The following SPTA1 variants were observed in gnomAD, a reference collection of about 807,000 sequenced individuals.
SPTA1 encodes the protein spectrin alpha chain, erythrocytic 1.
In SPTA1, 177 loss-of-function variants were observed where a neutral mutation model predicts 324.7. The ratio of observed to expected loss-of-function variants is 0.55; its 90% CI spans 0.48 to 0.62. SPTA1 has a LOEUF of 0.62. Ranked by LOEUF, SPTA1 falls within the 20% of genes least tolerant of loss-of-function variation. The pLI is 0.00. For synonymous variants in SPTA1, 1,195 were observed against 1,041.3 expected (o/e 1.15, Z -2.84); for missense variants, 3,162 against 2,883.6 (o/e 1.10, Z -2.21).
chr1:158,678,088 C>T (rs1457864096), intron 6 of SPTA1, among the ~76,000 whole-genome samples: 2 of 152,154 alleles, frequency 1.3e-5, no homozygotes, highest in Non-Finnish European at 2.9e-5. Context: ...CTTACGAATG[C>T]TTTTCTTCTT....
rs546901192 is a variant in SPTA1, at chr1:158,669,182, A to G, written c.1833+226T>C. 5.3e-5 allele frequency among the ~76,000 whole-genome samples: 8 copies of G among 152,306 alleles called. No individual in the cohort carries two copies. In the South Asian group the frequency reaches 1.7e-3, roughly 32 times the overall value. Reference sequence around the variant, plus strand: ...GAATCACCAGAAATTGTGCCAGAGGAAAGAGGTGAAGAACATCAGAATATA... The same window carrying G: ...GAATCACCAGAAATTGTGCCAGAGGGAAGAGGTGAAGAACATCAGAATATA... On this transcript the variant is annotated intron_variant, in intron 14 of 51. Transcript: ENST00000643759.
intron 18 of SPTA1, among the ~76,000 whole-genome samples, chr1:158,660,799 GC>G (rs1261468747): frequency 6.6e-6 from 1 of 152,158 alleles, no homozygotes; most frequent in African/African-American, 2.4e-5. Context: ...TCATACTTAA[GC>G]ATCAGGAATT....
chr1:158,667,918 T>C lies in SPTA1; in HGVS notation c.1978A>G (p.Thr660Ala), dbSNP rs755673276. Reference sequence around the variant, plus strand: ...AGGCTGGCAACTTCACTCAGACGAGTGGTCACATTGTCAGAGGCATAGTGA... The same window carrying C: ...AGGCTGGCAACTTCACTCAGACGAGCGGTCACATTGTCAGAGGCATAGTGA... ...GGHYASDNVT[T>A]RLSEVASLWE... Residue 660 changes from threonine (T) to alanine (A), a missense_variant, in exon 15 of 52, where the codon ACT becomes GCT. Transcript: ENST00000643759. 4 of 1,613,900 alleles carry C rather than the reference T, an allele frequency of 2.5e-6. No individual in the cohort carries two copies. The South Asian group carries it at 4.4e-5, about 18-fold the overall frequency.
In SPTA1 at chr1:158,680,692, C is replaced by T; in HGVS notation, c.569G>A (p.Trp190Ter). The change falls in exon 5 of 52, where the codon TGG (tryptophan) becomes TAG (stop). Residue 190 changes from tryptophan to a stop codon, truncating the protein, a stop_gained. Transcript: ENST00000643759. LOFTEE classifies it high-confidence loss of function. The stretch of plus-strand genomic sequence containing the variant: ...CTTATGCAGAACTTCGGTGCGCTCC[C>T]AGTCTTCACCTAGCTCCACTGATGT... Reference protein sequence around the residue: ...IATSVELGEDWERTEVLHKKF... With the variant: ...IATSVELGED 1.2e-6 allele frequency: 2 copies of T among 1,613,876 alleles called. No homozygotes were observed. The highest frequency in any genetic ancestry group is 1.7e-6 in the Non-Finnish European group (2 of 1,179,850).
chr1:158,662,026 C>T (rs1054079308), intron 17 of SPTA1, among the ~76,000 whole-genome samples: 1 of 152,092 alleles, frequency 6.6e-6, no homozygotes, highest in East Asian at 1.9e-4. Flanking sequence ...ATCTCTTTTC[C>T]CTCTAAACTT....
chr1:158,635,959 G>C lies in SPTA1; in HGVS notation c.5386C>G (p.Gln1796Glu). The change falls in exon 38 of 52, where the codon CAG (glutamine) becomes GAG (glutamate). Residue 1796 changes from glutamine (Q) to glutamate (E), a missense_variant. Coordinates refer to ENST00000643759, the MANE Select transcript of SPTA1 (RefSeq NM_003126.4). ...GQEEIQLRLAQFVEHWEKLKE... is the reference protein window; with the variant it reads ...GQEEIQLRLAEFVEHWEKLKE... ...AGCTTCTCCCAGTGTTCAACAAACT[G>C]AGCCAGCCGCAACTGGATCTCCTCT... 4 of 1,614,118 alleles carry C rather than the reference G, an allele frequency of 2.5e-6. No individual in the cohort carries two copies. The highest frequency in any genetic ancestry group is 3.4e-6 in the Non-Finnish European group (4 of 1,180,022).
At chr1:158,682,885 A>G (rs1654908828) in intron 3 of SPTA1, among the ~76,000 whole-genome samples, 1 of 152,178 alleles carries the variant, frequency 6.6e-6, no homozygotes, top group Non-Finnish European at 1.5e-5. Context: ...AGAAGTAATA[A>G]GAAGGGACAG....
In SPTA1 at chr1:158,674,337, G is replaced by T; in HGVS notation, c.1342C>A (p.Arg448=). Residue 448 remains arginine, a synonymous_variant, in exon 10 of 52, where the codon CGG becomes AGG. Coordinates refer to ENST00000643759, the MANE Select transcript of SPTA1 (RefSeq NM_003126.4). ...NANHEASDEV[R]EKMEILDNNW... Reference sequence around the variant, plus strand: ...CTGTTAAACTAGATTACCTTTTCCCGAACTTCATCAGAGGCTTCATGATTG... The same window carrying T: ...CTGTTAAACTAGATTACCTTTTCCCTAACTTCATCAGAGGCTTCATGATTG... 6.2e-7 allele frequency: 1 copy of T among 1,613,868 alleles called. No individual in the cohort carries two copies. Among genetic ancestry groups the T allele is most frequent in the South Asian group, 1.1e-5 (1 of 91,052 alleles).
intron 43 of SPTA1, among the ~76,000 whole-genome samples, chr1:158,621,690 T>TCACCTA (rs1352148241): frequency 2.0e-5 from 3 of 152,306 alleles, no homozygotes; most frequent in African/African-American, 7.2e-5. Context: ...ACCTAAGATT[T>TCACCTA]ATTTGATGTA....
At chr1:158,682,200 G>C (rs568355449) in intron 3 of SPTA1, among the ~76,000 whole-genome samples, 1 of 152,164 alleles carries the variant, frequency 6.6e-6, no homozygotes, top group Non-Finnish European at 1.5e-5. Context: ...TTGAATGCCA[G>C]ATTAACTCAG....
intron 18 of SPTA1, 93 bp downstream of exon 18, chr1:158,661,194 T>G: frequency 6.3e-7 from 1 of 1,594,850 alleles, no homozygotes; most frequent in Non-Finnish European, 8.6e-7. Context: ...TCAGATATTT[T>G]TAAATTCCCT....
At chr1:158,666,624 T>C in intron 15 of SPTA1, 127 bp from the exon 16 acceptor site, 3 of 806,040 alleles carry the variant, frequency 3.7e-6, no homozygotes, top group South Asian at 1.6e-5. Context: ...AATATAACTG[T>C]CTCACATGTC....
intron 25 of SPTA1, 105 bp downstream of exon 25, chr1:158,649,751 A>C: frequency 1.1e-6 from 1 of 930,296 alleles, no homozygotes; most frequent in South Asian, 1.4e-5. Flanking sequence ...CATTGTCTCC[A>C]TCTCACGAAA....
At chr1:158,634,900 T>C (rs1456336771) in intron 38 of SPTA1, among the ~76,000 whole-genome samples, 1 of 152,140 alleles carries the variant, frequency 6.6e-6, no homozygotes, top group Non-Finnish European at 1.5e-5. Flanking sequence ...TGTGGCACCA[T>C]CTACTGTCTT....
intron 14 of SPTA1, among the ~76,000 whole-genome samples, chr1:158,669,097 G>A (rs1653814299): frequency 6.6e-6 from 1 of 152,124 alleles, no homozygotes; most frequent in Non-Finnish European, 1.5e-5. Flanking sequence ...CAGAAAAGGT[G>A]AGAAAAGGTC....
At chr1:158,624,148 A>G (rs1380516801) in intron 42 of SPTA1, among the ~76,000 whole-genome samples, 1 of 152,200 alleles carries the variant, frequency 6.6e-6, no homozygotes, top group Non-Finnish European at 1.5e-5. Context: ...GCAGGGGCAG[A>G]GTCCTCATGG....
At chr1:158,626,090 G>A (rs543725571) in intron 42 of SPTA1, 56 bp downstream of exon 42, 18 of 1,474,940 alleles carry the variant, frequency 1.2e-5, no homozygotes, top group Non-Finnish European at 1.7e-5. Context: ...TAATCATGGA[G>A]GATGAGCTTC....
In SPTA1 at chr1:158,634,422, G is replaced by A. The variant is rs147095729; in HGVS notation, c.5565+121C>T. 1,715 of 1,401,078 alleles carry A rather than the reference G, an allele frequency of 1.2e-3. 17 individuals carry two copies. In the African/African-American group the frequency reaches 0.021, roughly 17 times the overall value. The allele number at this position is 1,401,078 out of a possible 1,614,324, so 86.8% of individuals were successfully genotyped here. ...GTATTTAAAACTGTCAGGATTATTC[G>A]TATTTCCTTCATCTTCTTTCACCAG... On this transcript the variant is annotated intron_variant, in intron 39 of 51. Transcript: ENST00000643759.
chr1:158,686,587 A>C lies in SPTA1; in HGVS notation c.-70T>G. The C allele has an allele frequency of 6.7e-6, 8 of 1,188,410 alleles. No individual in the cohort carries two copies. Among genetic ancestry groups the C allele is most frequent in the Non-Finnish European group, 1.0e-5 (8 of 794,464 alleles). 73.6% of individuals were successfully genotyped at this position (1,188,410 alleles called of 1,614,324 possible). ...AGAGAGAGAGAGAGAAATAATTCAA[A>C]TGGAACTGTCCAGTCGAATTCAAAT... is the stretch of plus-strand genomic sequence containing the variant. On this transcript the variant is annotated 5_prime_UTR_variant, in exon 1 of 52. Transcript: ENST00000643759.
Sources: gnomAD v4.1 joint callset for allele counts (sites outside exome capture counted in the v4.1 genomes callset) on GRCh38, gnomAD v4.1.1 for gene constraint, MANE v1.5 for transcripts, NCBI Gene and HGNC (gene_info 2026-07-23, HGNC 2026-07-21) for gene names.